The following BTBD9 variants were observed in gnomAD, a reference collection of about 807,000 sequenced individuals.
BTBD9 encodes the protein BTB domain containing 9.
In BTBD9, 49 loss-of-function variants were observed where a neutral mutation model predicts 64.3. The observed-to-expected ratio is 0.76, with a 90% CI of 0.61 to 0.97. The LOEUF (loss-of-function observed/expected upper bound fraction) is 0.97, where lower values mean the gene tolerates loss of function less well. Ranked by LOEUF, BTBD9 falls within the 50% of genes least tolerant of loss-of-function variation. The pLI, the probability that BTBD9 is intolerant of heterozygous loss-of-function variation, is 0.00. For missense variants in BTBD9, 598 were observed against 762.1 expected (o/e 0.78, Z 2.53); for synonymous variants, 260 against 274.7 (o/e 0.95, Z 0.53).
intron 9 of BTBD9, among the ~76,000 whole-genome samples, chr6:38,210,556 G>T (rs1056587635): frequency 1.3e-5 from 2 of 151,816 alleles, no homozygotes; most frequent in African/African-American, 4.8e-5. Flanking sequence ...GTGTGTGTGT[G>T]TGTGTGTGTG....
intron 7 of BTBD9, among the ~76,000 whole-genome samples, chr6:38,295,097 A>G (rs1268649546): frequency 6.6e-6 from 1 of 151,898 alleles, no homozygotes; most frequent in Non-Finnish European, 1.5e-5. Context: ...TTGTAGGTCA[A>G]TTTATTGAGT....
At position 38,487,934 on chromosome 6, in the gene BTBD9, T is replaced by C. The variant is rs1025962693; in HGVS notation, c.1154+89666A>G. Among the ~76,000 whole-genome samples, 5 of 152,370 alleles carry C rather than the reference T, an allele frequency of 3.3e-5. No homozygotes were observed. The South Asian group carries it at 1.0e-3, about 32-fold the overall frequency. On this transcript the variant is annotated intron_variant, in intron 6 of 10. Coordinates refer to ENST00000481247, the MANE Select transcript of BTBD9 (RefSeq NM_001099272.2). The stretch of plus-strand genomic sequence containing the variant: ...TCTGGTCCTTTACCAAAAACATTTG[T>C]TGACCTCTGCTCTAGATCTTAAAAA...
intron 7 of BTBD9, among the ~76,000 whole-genome samples, chr6:38,294,207 T>C (rs1361472518): frequency 6.6e-6 from 1 of 152,232 alleles, no homozygotes; most frequent in Non-Finnish European, 1.5e-5. Context: ...GGAACACTTT[T>C]ACACTGTTGG....
At chr6:38,364,273 A>G (rs541779428) in intron 6 of BTBD9, among the ~76,000 whole-genome samples, 1 of 152,278 alleles carries the variant, frequency 6.6e-6, no homozygotes, top group East Asian at 1.9e-4. Context: ...CCTCGTAAAA[A>G]TATTAAGAAA....
At chr6:38,250,035 T>G (rs1764340045) in intron 9 of BTBD9, among the ~76,000 whole-genome samples, 1 of 152,172 alleles carries the variant, frequency 6.6e-6, no homozygotes, top group Non-Finnish European at 1.5e-5. Context: ...CAGGGGTAAT[T>G]TTTTAAAATC....
chr6:38,591,507 A>G (rs1412861968), intron 4 of BTBD9, among the ~76,000 whole-genome samples: 2 of 152,220 alleles, frequency 1.3e-5, no homozygotes, highest in African/African-American at 4.8e-5. Flanking sequence ...AATGAAATTA[A>G]AAGGATCAAA....
intron 6 of BTBD9, among the ~76,000 whole-genome samples, chr6:38,467,738 A>G (rs1770462768): frequency 6.6e-6 from 1 of 152,092 alleles, no homozygotes; most frequent in Admixed American, 6.5e-5. Context: ...TGACTTCTCT[A>G]TTTCTATTCT....
At chr6:38,397,092 G>T (rs1354711270) in intron 6 of BTBD9, among the ~76,000 whole-genome samples, 1 of 151,736 alleles carries the variant, frequency 6.6e-6, no homozygotes, top group South Asian at 2.1e-4. Context: ...AGTAGAGACG[G>T]GGTTTGGCCA....
chr6:38,326,360 GC>G (rs997417829), intron 7 of BTBD9, among the ~76,000 whole-genome samples: 1 of 152,174 alleles, frequency 6.6e-6, no homozygotes, highest in African/African-American at 2.4e-5. Context: ...GGCCTTGAGC[GC>G]CATGGTGAAG....
intron 6 of BTBD9, among the ~76,000 whole-genome samples, chr6:38,497,580 C>T (rs1373483216): frequency 1.3e-5 from 2 of 150,880 alleles, no homozygotes; most frequent in African/African-American, 2.4e-5. Context: ...AGAAAGAGAA[C>T]GAGAAAGGCA....
chr6:38,232,558 G>A (rs1011633923), intron 9 of BTBD9, among the ~76,000 whole-genome samples: 34 of 152,066 alleles, frequency 2.2e-4, no homozygotes, highest in African/African-American at 6.5e-4. Context: ...GAGAGATGTA[G>A]TATAGCACAA....
chr6:38,531,220 G>C (rs1342763036), intron 6 of BTBD9, among the ~76,000 whole-genome samples: 1 of 152,106 alleles, frequency 6.6e-6, no homozygotes, highest in Non-Finnish European at 1.5e-5. Context: ...AACATTCAAA[G>C]GAGTTCCAAT....
At chr6:38,511,292 C>T (rs1772760209) in intron 6 of BTBD9, among the ~76,000 whole-genome samples, 1 of 150,480 alleles carries the variant, frequency 6.6e-6, no homozygotes, top group Admixed American at 6.6e-5. Flanking sequence ...ATTTCCCAGA[C>T]ATAATCATTT....
chr6:38,438,734 GGAAA>G (rs35969021), intron 6 of BTBD9, among the ~76,000 whole-genome samples: 10,397 of 152,094 alleles, frequency 0.068, 449 homozygotes, highest in Non-Finnish European at 0.1. Flanking sequence ...ATTTTAGTGG[GGAAA>G]GATAGAGACA....
intron 10 of BTBD9, among the ~76,000 whole-genome samples, chr6:38,183,129 G>A (rs183950872): frequency 1.9e-3 from 294 of 151,968 alleles, no homozygotes; most frequent in African/African-American, 5.9e-3. Context: ...ACAGGCGCCC[G>A]CCACCACACC....
chr6:38,369,847 T>C (rs759784353), intron 6 of BTBD9, among the ~76,000 whole-genome samples: 2 of 152,210 alleles, frequency 1.3e-5, no homozygotes, highest in African/African-American at 2.4e-5. Flanking sequence ...TTGGTTGGTG[T>C]TTCTTGAATT....
At chr6:38,350,953 A>C (rs1483338868) in intron 6 of BTBD9, among the ~76,000 whole-genome samples, 4 of 152,360 alleles carry the variant, frequency 2.6e-5, no homozygotes, top group Middle Eastern at 3.4e-3. Flanking sequence ...GGTTTTCCCC[A>C]GTGTAAAATT....
intron 6 of BTBD9, among the ~76,000 whole-genome samples, chr6:38,400,388 T>C (rs966618401): frequency 2.0e-5 from 3 of 152,178 alleles, no homozygotes; most frequent in Non-Finnish European, 4.4e-5. Flanking sequence ...ATCTATTCCT[T>C]TCTCCTTTGC....
intron 9 of BTBD9, among the ~76,000 whole-genome samples, chr6:38,197,733 A>AAGAGGCTC (rs1419296741): frequency 1.3e-5 from 2 of 152,260 alleles, no homozygotes; most frequent in African/African-American, 2.4e-5. Context: ...CTGGAAAGAA[A>AAGAGGCTC]AGAGGCTCAG....
Sources: gnomAD v4.1 joint callset for allele counts (sites outside exome capture counted in the v4.1 genomes callset) on GRCh38, gnomAD v4.1.1 for gene constraint, MANE v1.5 for transcripts, NCBI Gene and HGNC (gene_info 2026-07-23, HGNC 2026-07-21) for gene names.